The following PARVA variants were observed in gnomAD, a reference collection of about 807,000 sequenced individuals.
PARVA encodes parvin alpha.
In PARVA, 25 loss-of-function variants were observed where a neutral mutation model predicts 52.6. That is an observed-to-expected ratio of 0.48 (90% CI 0.35 to 0.66). The LOEUF is 0.66. PARVA is among the 30% of genes least tolerant of loss of function. The pLI is 0.01. For synonymous variants in PARVA, 185 were observed against 179.1 expected, an observed-to-expected ratio of 1.03 and a Z score of -0.26; for missense variants, 373 against 450.9, an observed-to-expected ratio of 0.83 and a Z score of 1.56.
chr11:12,377,377 G>T (rs968971304), upstream of PARVA: 21 of 1,345,316 alleles, frequency 1.6e-5, no homozygotes, highest in Non-Finnish European at 2.0e-5. Context: ...TCCTGCAAGG[G>T]GCAGTTTTGG....
At chr11:12,401,442 CA>C (rs1282214143) in intron 1 of PARVA, among the ~76,000 whole-genome samples, 1 of 151,998 alleles carries the variant, frequency 6.6e-6, no homozygotes, top group Non-Finnish European at 1.5e-5. Context: ...CTTTTTTTGC[CA>C]ATGGGATCCT....
chr11:12,389,516 G>T (rs1009263907), intron 1 of PARVA, among the ~76,000 whole-genome samples: 9 of 152,194 alleles, frequency 5.9e-5, no homozygotes, highest in Non-Finnish European at 8.8e-5. Context: ...ACAGACACAT[G>T]GGAGGTAATT....
chr11:12,460,757 A>G (rs1269764389), intron 1 of PARVA, among the ~76,000 whole-genome samples: 1 of 152,214 alleles, frequency 6.6e-6, no homozygotes, highest in African/African-American at 2.4e-5. Context: ...GGATTCATAA[A>G]TAAGAAGGAT....
At chr11:12,462,449 G>A (rs986001385) in intron 1 of PARVA, among the ~76,000 whole-genome samples, 1 of 152,126 alleles carries the variant, frequency 6.6e-6, no homozygotes, top group Non-Finnish European at 1.5e-5. Flanking sequence ...CAAGGAATGA[G>A]GGCAGCCTCC....
intron 4 of PARVA, among the ~76,000 whole-genome samples, chr11:12,495,150 T>C (rs1014995753): frequency 3.9e-5 from 6 of 152,222 alleles, no homozygotes; most frequent in Admixed American, 6.5e-5. Flanking sequence ...TTTAGATTTA[T>C]TCTTGTTAAA....
At chr11:12,427,040 T>C (rs1940247160) in intron 1 of PARVA, among the ~76,000 whole-genome samples, 1 of 152,052 alleles carries the variant, frequency 6.6e-6, no homozygotes, top group African/African-American at 2.4e-5. Flanking sequence ...AGAAACAAAG[T>C]AGTAAGCTAA....
At chr11:12,489,198 T>TTATAGAATA (rs1264474715) in intron 4 of PARVA, among the ~76,000 whole-genome samples, 1 of 150,818 alleles carries the variant, frequency 6.6e-6, no homozygotes, top group Non-Finnish European at 1.5e-5. Flanking sequence ...AAGTGTTCAG[T>TTATAGAATA]TATAGAATAT....
intron 1 of PARVA, among the ~76,000 whole-genome samples, chr11:12,445,235 T>C (rs577092231): frequency 1.3e-5 from 2 of 152,266 alleles, no homozygotes; most frequent in South Asian, 2.1e-4. Context: ...ATGGGCTAAG[T>C]ATACTCTATC....
chr11:12,388,143 A>G (rs912067862), intron 1 of PARVA, among the ~76,000 whole-genome samples: 10 of 152,212 alleles, frequency 6.6e-5, no homozygotes, highest in Admixed American at 1.3e-4. Flanking sequence ...CTCCCCCAAA[A>G]GACAGAACTC....
chr11:12,435,916 C>G (rs1057326948), intron 1 of PARVA, among the ~76,000 whole-genome samples: 1 of 152,106 alleles, frequency 6.6e-6, no homozygotes, highest in Non-Finnish European at 1.5e-5. Context: ...TTCCCGGGTT[C>G]AAGTTTCCGG....
chr11:12,411,281 T>C (rs1001506408), intron 1 of PARVA, among the ~76,000 whole-genome samples: 2 of 152,224 alleles, frequency 1.3e-5, no homozygotes, highest in African/African-American at 4.8e-5. Context: ...ACCAACCTAA[T>C]AGAACAGTTT....
rs376936073 is a variant in PARVA, at chr11:12,528,231, C to T, written c.*306C>T. The T allele has an allele frequency of 1.7e-3, 729 of 428,574 alleles. 3 individuals carry two copies. Among genetic ancestry groups the T allele is most frequent in the South Asian group, 8.0e-3 (216 of 26,860 alleles). The allele number at this position is 428,574 out of a possible 1,614,324, so 26.5% of individuals were successfully genotyped here. On this transcript the variant is annotated 3_prime_UTR_variant, in exon 13 of 13. Coordinates refer to ENST00000334956, the MANE Select transcript of PARVA (RefSeq NM_018222.5). ...GGAACCAGCTTAGGCAAAAGAGTCC[C>T]CACAAGATGAAAATAAAGATCCTAG...
intron 6 of PARVA, among the ~76,000 whole-genome samples, chr11:12,506,263 A>G (rs1941429667): frequency 6.6e-6 from 1 of 152,206 alleles, no homozygotes; most frequent in Admixed American, 6.5e-5. Flanking sequence ...TGAAATTTTT[A>G]AAAATTATTT....
intron 8 of PARVA, 34 bp from the exon 9 acceptor site, chr11:12,513,265 C>T (rs1211665701): frequency 1.2e-6 from 2 of 1,608,328 alleles, no homozygotes; most frequent in East Asian, 2.2e-5. Flanking sequence ...GGGATCAGCT[C>T]TTGTGCTCCA....
intron 1 of PARVA, among the ~76,000 whole-genome samples, chr11:12,402,345 C>T (rs1356350847): frequency 2.0e-5 from 3 of 152,224 alleles, no homozygotes; most frequent in African/African-American, 7.2e-5. Flanking sequence ...GGGGAATAAA[C>T]ATCCATTATT....
At chr11:12,520,807 C>A (rs1477253553) in intron 12 of PARVA, among the ~76,000 whole-genome samples, 2 of 151,980 alleles carry the variant, frequency 1.3e-5, no homozygotes, top group South Asian at 2.1e-4. Flanking sequence ...AAAAAATTAG[C>A]CAGGTGTAGT....
chr11:12,469,091 A>G (rs1940895256), intron 1 of PARVA, among the ~76,000 whole-genome samples: 1 of 152,188 alleles, frequency 6.6e-6, no homozygotes, highest in Non-Finnish European at 1.5e-5. Flanking sequence ...TGGGGAGCAA[A>G]CCACCAATGT....
Position 12,441,200 on chromosome 11 carries a change from C to T in PARVA, c.137-32545C>T, listed in dbSNP as rs180976109. ...GGTGGGGCTGAAGTTACAAACTTTG[C>T]GTTCCTGACCTCTGCTAAATTGTGG... is the stretch of plus-strand genomic sequence containing the variant. On this transcript the variant is annotated intron_variant, in intron 1 of 12. Transcript: ENST00000334956. 2.2e-3 allele frequency among the ~76,000 whole-genome samples: 331 copies of T among 152,290 alleles called. 1 individual carries two copies. The highest frequency in any genetic ancestry group is 3.9e-3 in the Admixed American group (59 of 15,288).
chr11:12,412,650 T>C (rs74919317), intron 1 of PARVA, among the ~76,000 whole-genome samples: 13,038 of 152,202 alleles, frequency 0.086, 614 homozygotes, highest in African/African-American at 0.13. Context: ...TCTTTAAACA[T>C]GTGTGGGCCC....
Sources: gnomAD v4.1 joint callset for allele counts (sites outside exome capture counted in the v4.1 genomes callset) on GRCh38, gnomAD v4.1.1 for gene constraint, MANE v1.5 for transcripts, NCBI Gene and HGNC (gene_info 2026-07-23, HGNC 2026-07-21) for gene names.